The following CLEC6A variants were observed in gnomAD, a reference collection of about 807,000 sequenced individuals.
CLEC6A encodes C-type lectin domain family 6 member A.
Under a neutral mutation model 25.7 loss-of-function variants are expected in CLEC6A, and 22 were observed. The observed-to-expected ratio is 0.85, with a 90% CI of 0.61 to 1.22. CLEC6A has a LOEUF of 1.22. Among genes scored for constraint, CLEC6A ranks in the 50% most tolerant of loss-of-function variants. The pLI, the probability that CLEC6A is intolerant of heterozygous loss-of-function variation, is 0.00. For missense variants in CLEC6A, 240 were observed against 236.8 expected (o/e 1.01, Z -0.09); for synonymous variants, 92 against 76.7 (o/e 1.20, Z -1.04).
chr12:8,472,700 T>G (rs1164368989), intron 4 of CLEC6A, among the ~76,000 whole-genome samples: 1 of 152,164 alleles, frequency 6.6e-6, no homozygotes, highest in African/African-American at 2.4e-5. Context: ...GGCATGGGGC[T>G]TTATATTCTG....
At chr12:8,462,112 A>C (rs1939764499) in intron 3 of CLEC6A, among the ~76,000 whole-genome samples, 1 of 152,156 alleles carries the variant, frequency 6.6e-6, no homozygotes, top group African/African-American at 2.4e-5. Context: ...TCAGGGTTAA[A>C]TGGATTAAGG....
At chr12:8,466,542 T>G (rs1253054498) in intron 4 of CLEC6A, among the ~76,000 whole-genome samples, 1 of 152,172 alleles carries the variant, frequency 6.6e-6, no homozygotes, top group Non-Finnish European at 1.5e-5. Flanking sequence ...TGGTCAACAC[T>G]TGTTATTTTC....
intron 4 of CLEC6A, among the ~76,000 whole-genome samples, chr12:8,475,055 C>G (rs1001429122): frequency 6.6e-6 from 1 of 152,008 alleles, no homozygotes; most frequent in African/African-American, 2.4e-5. Flanking sequence ...TACGCAGGCC[C>G]CAGTGTGTGA....
chr12:8,469,591 T>C (rs1163794045), intron 4 of CLEC6A, among the ~76,000 whole-genome samples: 1 of 152,040 alleles, frequency 6.6e-6, no homozygotes, highest in East Asian at 1.9e-4. Context: ...AAGAGACACA[T>C]GGACCAATGG....
In CLEC6A at chr12:8,459,705, C is replaced by G. The variant is rs753514994; in HGVS notation, c.223+7C>G. On this transcript the variant is annotated splice_region_variant and intron_variant, in intron 3 of 5. Transcript: ENST00000382073. Reference sequence around the variant, plus strand: ...GAAGGGACAAAGGTGCCAGGTAAATCTTTAAAATACTGAAATAGACTTTCT... The same window carrying G: ...GAAGGGACAAAGGTGCCAGGTAAATGTTTAAAATACTGAAATAGACTTTCT... The G allele has an allele frequency of 1.4e-5, 21 of 1,543,852 alleles. No individual in the cohort carries two copies. The South Asian group carries it at 2.0e-4, about 15-fold the overall frequency.
At chr12:8,460,866 G>A (rs1939744819) in intron 3 of CLEC6A, 3 of 897,062 alleles carry the variant, frequency 3.3e-6, no homozygotes, top group African/African-American at 3.3e-5. Flanking sequence ...CTTACCGCAA[G>A]CCTGTCTATC....
chr12:8,477,217 C>G, intron 5 of CLEC6A, 103 bp from the exon 6 acceptor site: 1 of 847,044 alleles, frequency 1.2e-6, no homozygotes, highest in Non-Finnish European at 1.8e-6. Context: ...TTGGAATGTT[C>G]TCTCTTCCTA....
chr12:8,458,819 G>T (rs771403655), intron 2 of CLEC6A, among the ~76,000 whole-genome samples: 5 of 152,096 alleles, frequency 3.3e-5, no homozygotes, highest in African/African-American at 1.2e-4. Context: ...TAAGAGCGGG[G>T]CAGAAAGATT....
intron 4 of CLEC6A, among the ~76,000 whole-genome samples, chr12:8,468,169 C>G (rs1282169430): frequency 1.3e-5 from 2 of 152,166 alleles, no homozygotes; most frequent in African/African-American, 4.8e-5. Context: ...TCTTGAACTC[C>G]TGACTTCAAG....
chr12:8,471,816 T>A (rs1161493261), intron 4 of CLEC6A, among the ~76,000 whole-genome samples: 3 of 152,100 alleles, frequency 2.0e-5, no homozygotes, highest in Non-Finnish European at 4.4e-5. Flanking sequence ...AGTTGGCTGA[T>A]TTTATTTTTT....
intron 1 of CLEC6A, 65 bp from the exon 2 acceptor site, chr12:8,457,833 C>A: frequency 8.7e-7 from 1 of 1,154,602 alleles, no homozygotes; most frequent in Non-Finnish European, 1.3e-6. Flanking sequence ...TTGTTGTAAG[C>A]TTCCTGGGGA....
At chr12:8,460,602 C>T (rs2136357649) in intron 3 of CLEC6A, 2 of 1,199,622 alleles carry the variant, frequency 1.7e-6, no homozygotes, top group African/African-American at 1.5e-5. Flanking sequence ...TGGCGGAAGC[C>T]ATCACATAAG....
chr12:8,471,037 C>T (rs1939899856), intron 4 of CLEC6A, among the ~76,000 whole-genome samples: 1 of 152,038 alleles, frequency 6.6e-6, no homozygotes, highest in Non-Finnish European at 1.5e-5. Flanking sequence ...GGGTTTTATG[C>T]ACCAATTGAG....
In CLEC6A at chr12:8,477,585, T is replaced by TGTAAA; in HGVS notation, c.*121_*122insGTAAA. The TGTAAA allele has an allele frequency of 1.5e-6, 1 of 679,068 alleles. No individual in the cohort carries two copies. Among genetic ancestry groups the TGTAAA allele is most frequent in the Non-Finnish European group, 2.3e-6 (1 of 437,186 alleles). The allele number at this position is 679,068 out of a possible 1,614,324, so 42.1% of individuals were successfully genotyped here. A position where few individuals can be genotyped will look rare whatever the true frequency, so the allele number is the denominator to read the frequency against. On this transcript the variant is annotated 3_prime_UTR_variant, in exon 6 of 6. Coordinates refer to ENST00000382073, the MANE Select transcript of CLEC6A (RefSeq NM_001007033.2). The stretch of plus-strand genomic sequence containing the variant: ...CCTGAATTTACACATAATCCTTATG[T>TGTAAA]TATAGAGGTTCACAGAAATGGAAAG...
chr12:8,456,104 C>T lies in CLEC6A; in HGVS notation c.-8C>T, dbSNP rs779949509. On this transcript the variant is annotated 5_prime_UTR_variant, in exon 1 of 6. Transcript: ENST00000382073. ...TCCTGGACCTTCTCAACACAGGGAG[C>T]CTGCATAATGATGCAAGAGCAGCAA... 6.2e-7 allele frequency: 1 copy of T among 1,613,608 alleles called. No individual in the cohort carries two copies. Among genetic ancestry groups the T allele is most frequent in the East Asian group, 2.2e-5 (1 of 44,848 alleles).
chr12:8,465,243 C>CTTT lies in CLEC6A; in HGVS notation c.224-230_224-228dup, dbSNP rs11420799. On this transcript the variant is annotated intron_variant, in intron 3 of 5. Coordinates refer to ENST00000382073, the MANE Select transcript of CLEC6A (RefSeq NM_001007033.2). ...CATGAAAAACAAAACTCAATAGTGA[C>CTTT]TTTTTTTTTTTTTGCAAAAAAGAAA... Among the ~76,000 whole-genome samples, 7 of 145,718 alleles carry CTTT rather than the reference C, an allele frequency of 4.8e-5. No homozygotes were observed. In the South Asian group the frequency reaches 6.5e-4, roughly 13 times the overall value.
rs1037173565 is a variant in CLEC6A at position 8,477,654 on chromosome 12, A to G, written c.*190A>G. On this transcript the variant is annotated 3_prime_UTR_variant, in exon 6 of 6. Coordinates refer to ENST00000382073, the MANE Select transcript of CLEC6A (RefSeq NM_001007033.2). ...TCAATCTTCTCGTTTCCTCTTTTCCATTAATGATAGAATGCACCCTTCCTC... is the reference window on the plus strand; with the variant it reads ...TCAATCTTCTCGTTTCCTCTTTTCCGTTAATGATAGAATGCACCCTTCCTC... 1.6e-5 allele frequency: 7 copies of G among 442,622 alleles called. No individual in the cohort carries two copies. The highest frequency in any genetic ancestry group is 2.0e-5 in the Non-Finnish European group (5 of 252,488). The allele number at this position is 442,622 out of a possible 1,614,324, so 27.4% of individuals were successfully genotyped here.
intron 5 of CLEC6A, among the ~76,000 whole-genome samples, chr12:8,476,728 C>T (rs945166096): frequency 1.3e-5 from 2 of 151,978 alleles, no homozygotes; most frequent in Non-Finnish European, 2.9e-5. Flanking sequence ...AGTTAGGGAC[C>T]TTATTATAAT....
At chr12:8,461,696 A>G (rs956144661) in intron 3 of CLEC6A, among the ~76,000 whole-genome samples, 1 of 152,254 alleles carries the variant, frequency 6.6e-6, no homozygotes, top group African/African-American at 2.4e-5. Context: ...ATAAAAGTCC[A>G]TACACAAAAT....
Sources: allele counts gnomAD v4.1 joint callset (sites outside exome capture counted in the v4.1 genomes callset), GRCh38; gene constraint gnomAD v4.1.1; transcripts MANE v1.5; gene names NCBI Gene and HGNC (gene_info 2026-07-23, HGNC 2026-07-21).